OSBPL10: variants seen among roughly 807,000 people sequenced by gnomAD.
The protein encoded by OSBPL10 is oxysterol-binding protein-related protein 10.
Under a neutral mutation model 81.7 loss-of-function variants are expected in OSBPL10, and 49 were observed. The ratio of observed to expected loss-of-function variants is 0.60; its 90% confidence interval spans 0.48 to 0.76. The LOEUF is 0.76. OSBPL10 is among the 30% of genes least tolerant of loss of function. The pLI, the probability that OSBPL10 is intolerant of heterozygous loss-of-function variation, is 0.00. For missense variants in OSBPL10, 923 were observed against 987.8 expected, an observed-to-expected ratio of 0.93 and a Z score of 0.88; for synonymous variants, 419 against 383.6, an observed-to-expected ratio of 1.09 and a Z score of -1.08.
intron 4 of OSBPL10, among the ~76,000 whole-genome samples, chr3:31,776,099 T>C (rs912706935): frequency 2.0e-5 from 3 of 152,028 alleles, no homozygotes; most frequent in African/African-American, 7.2e-5. Flanking sequence ...AAGAGCATAA[T>C]GAGATTAGAC....
At chr3:31,953,480 T>G (rs1404651975) in intron 1 of OSBPL10, among the ~76,000 whole-genome samples, 2 of 151,950 alleles carry the variant, frequency 1.3e-5, no homozygotes, top group African/African-American at 4.8e-5. Context: ...TGATCACAGC[T>G]CACTGCAGCC....
In OSBPL10 at chr3:31,992,405, A is replaced by C. The variant is rs532508478; in HGVS notation, n.298+54086T>G. Among the ~76,000 whole-genome samples the C allele has an allele frequency of 3.7e-4, 57 of 152,164 alleles. 1 individual carries two copies. The highest frequency in any genetic ancestry group is 3.1e-3 in the Admixed American group (48 of 15,300). ...CCGTTCTGGCAGTCAGAAGCCCAAA[A>C]ATGGGTCTTACATGGTAAAATCAAG... On this transcript the variant is annotated intron_variant and non_coding_transcript_variant, in intron 2 of 3. Transcript: ENST00000479173.
At chr3:31,707,761 C>A (rs566041975) in intron 6 of OSBPL10, among the ~76,000 whole-genome samples, 1 of 152,268 alleles carries the variant, frequency 6.6e-6, no homozygotes, top group East Asian at 1.9e-4. Context: ...CCCTCATAGA[C>A]AAATTATTTC....
intron 3 of OSBPL10, among the ~76,000 whole-genome samples, chr3:31,851,803 C>T (rs984006207): frequency 1.3e-5 from 2 of 152,150 alleles, no homozygotes; most frequent in Non-Finnish European, 2.9e-5. Context: ...TGACTGAGTC[C>T]GGTGATCCCT....
chr3:32,056,101 A>C (rs1311151795), intron 1 of OSBPL10, among the ~76,000 whole-genome samples: 1 of 152,232 alleles, frequency 6.6e-6, no homozygotes, highest in Non-Finnish European at 1.5e-5. Flanking sequence ...AATCAGTCCT[A>C]TCATGATTTG....
intron 4 of OSBPL10, chr3:31,795,806 CT>C (rs1699197845): frequency 4.1e-6 from 1 of 244,176 alleles, no homozygotes; most frequent in Non-Finnish European, 9.2e-6. Context: ...TACAAGAAGT[CT>C]CACTTCCTTC....
chr3:31,957,511 CAGAAAAGG>C, intron 1 of OSBPL10, among the ~76,000 whole-genome samples: 1 of 152,294 alleles, frequency 6.6e-6, no homozygotes, highest in South Asian at 2.1e-4. Context: ...AAGGCAATTC[CAGAAAAGG>C]AGCCTTGAAA....
chr3:31,926,866 T>C lies in OSBPL10; in HGVS notation c.282-47036A>G, dbSNP rs79024491. ...GGCTCATGCCTGTAATCCCAACCCT[T>C]TGAGAGGCTGAGGCAGGTGGATCAC... On this transcript the variant is annotated intron_variant, in intron 1 of 11. Coordinates refer to ENST00000396556, the MANE Select transcript of OSBPL10 (RefSeq NM_017784.5). Among the ~76,000 whole-genome samples, 114 of 152,222 alleles carry C rather than the reference T, an allele frequency of 7.5e-4. 1 individual carries two copies. The East Asian group carries it at 0.022, about 29-fold the overall frequency.
intron 1 of OSBPL10, among the ~76,000 whole-genome samples, chr3:31,948,691 TTTTCCAAGAAGTATTTCTTTGCC>T (rs1334153231): frequency 6.6e-6 from 1 of 152,358 alleles, no homozygotes; most frequent in Non-Finnish European, 1.5e-5. Context: ...GCAGTTTTAA[TTTTCCAAGAAGTATTTCTTTGCC>T]TTTCCTTTCC....
chr3:32,010,821 T>G (rs1325858210), intron 2 of OSBPL10, among the ~76,000 whole-genome samples: 1 of 152,192 alleles, frequency 6.6e-6, no homozygotes, highest in Non-Finnish European at 1.5e-5. Context: ...GAGGGTCCTG[T>G]GCCCATGGAG....
intron 1 of OSBPL10, among the ~76,000 whole-genome samples, chr3:31,905,956 T>C (rs975329453): frequency 6.6e-6 from 1 of 151,788 alleles, no homozygotes; most frequent in Non-Finnish European, 1.5e-5. Context: ...CCAGCCTGAA[T>C]TTTGAGCAAC....
intron 4 of OSBPL10, among the ~76,000 whole-genome samples, chr3:31,793,769 T>A (rs903170432): frequency 2.0e-5 from 3 of 152,254 alleles, no homozygotes; most frequent in Non-Finnish European, 4.4e-5. Context: ...AAAAGTGGTT[T>A]TTTGACTATA....
At chr3:31,895,471 A>G (rs971081281) in intron 1 of OSBPL10, among the ~76,000 whole-genome samples, 1 of 151,822 alleles carries the variant, frequency 6.6e-6, no homozygotes, top group African/African-American at 2.4e-5. Flanking sequence ...TCCCCCACAT[A>G]CACTTGGACC....
intron 2 of OSBPL10, among the ~76,000 whole-genome samples, chr3:32,040,459 A>G (rs955163990): frequency 1.3e-5 from 2 of 151,272 alleles, no homozygotes; most frequent in African/African-American, 4.9e-5. Context: ...ACCTGTAGTC[A>G]CAGCCACTCA....
chr3:31,698,577 C>A (rs1695799429), intron 7 of OSBPL10, among the ~76,000 whole-genome samples: 1 of 152,194 alleles, frequency 6.6e-6, no homozygotes, highest in Non-Finnish European at 1.5e-5. Context: ...CTAAACGGCC[C>A]TATAACCTGC....
At chr3:31,797,615 A>C in intron 4 of OSBPL10, 1 of 320,400 alleles carries the variant, frequency 3.1e-6, no homozygotes. Context: ...CCTCCAAACT[A>C]CAATTTCTGT....
intron 4 of OSBPL10, among the ~76,000 whole-genome samples, chr3:31,783,146 T>TACACACAC (rs1553625121): frequency 1.1e-3 from 129 of 112,778 alleles, no homozygotes; most frequent in African/African-American, 4.2e-3. Context: ...TATATATATA[T>TACACACAC]ACACACACAC....
chr3:31,680,384 T>C (rs1700611292), intron 8 of OSBPL10, among the ~76,000 whole-genome samples: 2 of 152,154 alleles, frequency 1.3e-5, no homozygotes, highest in African/African-American at 4.8e-5. Context: ...GATTCTGGTA[T>C]CTCATCCACA....
At position 32,000,161 on chromosome 3, in the gene OSBPL10, C is replaced by T. The variant is rs13093715; in HGVS notation, n.298+46330G>A. Among the ~76,000 whole-genome samples, 500 of 152,220 alleles carry T rather than the reference C, an allele frequency of 3.3e-3. 2 individuals are homozygous for T. The highest frequency in any genetic ancestry group is 5.8e-3 in the Non-Finnish European group (396 of 68,020). Reference sequence around the variant, plus strand: ...TGTCTTCCTCTACCTGGTAAATTAACGTTCATTTTCCTGGGTTTTATACAA... The same window carrying T: ...TGTCTTCCTCTACCTGGTAAATTAATGTTCATTTTCCTGGGTTTTATACAA... On this transcript the variant is annotated intron_variant and non_coding_transcript_variant, in intron 2 of 3. Transcript: ENST00000479173.
Sources: gnomAD v4.1 joint callset for allele counts (sites outside exome capture counted in the v4.1 genomes callset) on GRCh38, gnomAD v4.1.1 for gene constraint, MANE v1.5 for transcripts, NCBI Gene and HGNC (gene_info 2026-07-23, HGNC 2026-07-21) for gene names.